ANK3: variants seen among roughly 807,000 people sequenced by gnomAD.
The protein encoded by ANK3 is ankyrin-3.
Under a neutral mutation model 370.9 loss-of-function variants are expected in ANK3, and 57 were observed. The ratio of observed to expected loss-of-function variants is 0.15; its 90% CI spans 0.12 to 0.19. The LOEUF is 0.19. ANK3 is among the 10% of genes least tolerant of loss of function. The pLI, the probability that ANK3 is intolerant of heterozygous loss-of-function variation, is 1.00. For missense variants in ANK3, 4,439 were observed against 5,302.1 expected (o/e 0.84, Z 5.06); for synonymous variants, 1,929 against 1,946.3 (o/e 0.99, Z 0.23).
chr10:60,343,430 G>C (rs2054705572), intron 1 of ANK3, among the ~76,000 whole-genome samples: 1 of 152,088 alleles, frequency 6.6e-6, no homozygotes, highest in Admixed American at 6.6e-5. Context: ...GTAATCTCTG[G>C]AAGAACCAAA....
At chr10:60,111,890 C>T (rs963364355) in intron 26 of ANK3, 2 of 410,284 alleles carry the variant, frequency 4.9e-6, no homozygotes, top group Non-Finnish European at 9.6e-6. Flanking sequence ...ACCAGGGCAT[C>T]TGGCATTTGT....
intron 2 of ANK3, among the ~76,000 whole-genome samples, chr10:60,493,333 G>T (rs770232501): frequency 3.8e-4 from 58 of 152,194 alleles, no homozygotes; most frequent in Admixed American, 7.9e-4. Flanking sequence ...AGCAGCATGA[G>T]TGGAGATGGA....
chr10:60,563,556 T>C (rs1019462478), intron 2 of ANK3, among the ~76,000 whole-genome samples: 2 of 152,304 alleles, frequency 1.3e-5, no homozygotes, highest in African/African-American at 4.8e-5. Context: ...CAGCAAAACA[T>C]ATGAATACTC....
At chr10:60,594,922 T>C (rs1194067250) in intron 2 of ANK3, among the ~76,000 whole-genome samples, 1 of 152,158 alleles carries the variant, frequency 6.6e-6, no homozygotes, top group Admixed American at 6.6e-5. Context: ...CAGGCAGCCA[T>C]TAGCAATTTC....
chr10:60,203,098 C>T lies in ANK3; in HGVS notation c.1296G>A (p.Ser432=), dbSNP rs754546725. Residue 432 remains serine (S), a splice_region_variant and synonymous_variant, in exon 12 of 44, where the codon TCG becomes TCA. Transcript: ENST00000280772. Reference sequence around the variant, plus strand: ...CAGCAACATGGATTGGGGTAAGGCCCGACTAAGGGGAAAAGAAGAAAATGG... The same window carrying T: ...CAGCAACATGGATTGGGGTAAGGCCTGACTAAGGGGAAAAGAAGAAAATGG... ...HGASIQAVTE[S]GLTPIHVAAF... 2.3e-5 allele frequency: 37 copies of T among 1,610,928 alleles called. No homozygotes were observed. The highest frequency in any genetic ancestry group is 1.8e-4 in the Admixed American group (11 of 59,722).
chr10:60,512,285 C>A (rs570977809), intron 2 of ANK3, among the ~76,000 whole-genome samples: 17 of 152,102 alleles, frequency 1.1e-4, no homozygotes, highest in Non-Finnish European at 2.4e-4. Flanking sequence ...AAAACCAACA[C>A]TCTCATGTCT....
chr10:60,546,276 T>C (rs940884889), intron 2 of ANK3, among the ~76,000 whole-genome samples: 14 of 152,168 alleles, frequency 9.2e-5, no homozygotes, highest in African/African-American at 2.9e-4. Context: ...TCTCAAGTGA[T>C]TCTCGTGCCT....
At chr10:60,324,452 C>T (rs1432043860) in intron 1 of ANK3, among the ~76,000 whole-genome samples, 1 of 152,136 alleles carries the variant, frequency 6.6e-6, no homozygotes. Context: ...TTTCATGTTT[C>T]TGTTTCTCAG....
intron 1 of ANK3, among the ~76,000 whole-genome samples, chr10:60,720,374 T>C (rs2079846741): frequency 6.6e-6 from 1 of 152,184 alleles, no homozygotes; most frequent in Non-Finnish European, 1.5e-5. Context: ...CAGTTACCCT[T>C]GTCACACAGC....
At chr10:60,499,669 C>T (rs2075748142) in intron 2 of ANK3, among the ~76,000 whole-genome samples, 1 of 152,184 alleles carries the variant, frequency 6.6e-6, no homozygotes, top group African/African-American at 2.4e-5. Context: ...AAGAGCCAGA[C>T]ACTGACAGGA....
intron 39 of ANK3, among the ~76,000 whole-genome samples, chr10:60,063,580 T>A (rs2081036845): frequency 6.6e-6 from 1 of 152,188 alleles, no homozygotes; most frequent in Admixed American, 6.5e-5. Context: ...GTCACCCTCA[T>A]ATTTGGTACT....
intron 1 of ANK3, among the ~76,000 whole-genome samples, chr10:60,372,669 G>A (rs914609946): frequency 1.3e-5 from 2 of 152,312 alleles, no homozygotes; most frequent in South Asian, 2.1e-4. Context: ...GTCAAGGAGA[G>A]GCTGGCTCTG....
At chr10:60,218,109 T>C (rs1376680336) in intron 8 of ANK3, among the ~76,000 whole-genome samples, 1 of 149,480 alleles carries the variant, frequency 6.7e-6, no homozygotes, top group Admixed American at 6.7e-5. Flanking sequence ...TTTTTTTTTT[T>C]TTTTTTTTGC....
chr10:60,059,189 C>A, intron 41 of ANK3, 151 bp downstream of exon 41: 1 of 605,802 alleles, frequency 1.7e-6, no homozygotes, highest in Non-Finnish European at 2.9e-6. Flanking sequence ...CTTTCCTTTC[C>A]AGATTAGCAT....
chr10:60,625,638 C>A (rs547792999), intron 1 of ANK3, among the ~76,000 whole-genome samples: 10 of 152,312 alleles, frequency 6.6e-5, no homozygotes, highest in African/African-American at 2.4e-4. Flanking sequence ...ATCCTCCCCA[C>A]TTATTTCCTA....
chr10:60,377,719 A>G (rs1215248641), intron 1 of ANK3, among the ~76,000 whole-genome samples: 1 of 152,212 alleles, frequency 6.6e-6, no homozygotes, highest in Non-Finnish European at 1.5e-5. Context: ...CGAACAGAAT[A>G]AAGGCCAGGG....
At chr10:60,108,507 T>C (rs892123578) in intron 27 of ANK3, among the ~76,000 whole-genome samples, 3 of 152,174 alleles carry the variant, frequency 2.0e-5, no homozygotes, top group African/African-American at 7.2e-5. Context: ...TTCAATGCGG[T>C]AAAATAATTC....
chr10:60,241,494 G>A (rs1236429291), intron 7 of ANK3, among the ~76,000 whole-genome samples: 2 of 152,132 alleles, frequency 1.3e-5, no homozygotes, highest in African/African-American at 2.4e-5. Context: ...TTACAGGTAA[G>A]GAAGAGACCA....
At chr10:60,323,176 A>G (rs2049042416) in intron 1 of ANK3, among the ~76,000 whole-genome samples, 1 of 152,208 alleles carries the variant, frequency 6.6e-6, no homozygotes, top group African/African-American at 2.4e-5. Flanking sequence ...ACCATAGGCA[A>G]CTGGAACTCA....
Sources: gnomAD v4.1 joint callset for allele counts (sites outside exome capture counted in the v4.1 genomes callset) on GRCh38, gnomAD v4.1.1 for gene constraint, MANE v1.5 for transcripts, NCBI Gene and HGNC (gene_info 2026-07-23, HGNC 2026-07-21) for gene names.